RANBP10: variants seen among roughly 807,000 people sequenced by gnomAD.
RANBP10 encodes the protein ran-binding protein 10.
In RANBP10, 24 loss-of-function variants were observed where a neutral mutation model predicts 72.8. The ratio of observed to expected loss-of-function variants is 0.33; its 90% CI spans 0.24 to 0.46. The LOEUF (loss-of-function observed/expected upper bound fraction) is 0.46, where lower values mean the gene tolerates loss of function less well. RANBP10 is among the 20% of genes least tolerant of loss of function. The probability of loss-of-function intolerance (pLI) is 1.00; values close to 1 mark genes in which losing one functional copy is unlikely to be tolerated. For synonymous variants in RANBP10, 310 were observed against 322.3 expected, an observed-to-expected ratio of 0.96 and a Z score of 0.41; for missense variants, 679 against 817.5, an observed-to-expected ratio of 0.83 and a Z score of 2.07.
chr16:67,794,983 A>G, intron 2 of RANBP10, among the ~76,000 whole-genome samples: 1 of 150,448 alleles, frequency 6.6e-6, no homozygotes, highest in South Asian at 2.1e-4. Context: ...GGCCAAGTAC[A>G]GTGGCTCACA....
intron 4 of RANBP10, among the ~76,000 whole-genome samples, chr16:67,743,247 T>G (rs1373385095): frequency 6.6e-6 from 1 of 152,118 alleles, no homozygotes; most frequent in African/African-American, 2.4e-5. Flanking sequence ...AGGAGTTGGG[T>G]TCCAAGCAAA....
At chr16:67,799,432 C>T (rs1375616117) in intron 2 of RANBP10, among the ~76,000 whole-genome samples, 2 of 151,818 alleles carry the variant, frequency 1.3e-5, no homozygotes, top group African/African-American at 4.8e-5. Context: ...GGACTACAGG[C>T]GCCCGCCACC....
chr16:67,753,462 C>A (rs2054233131), intron 3 of RANBP10, among the ~76,000 whole-genome samples: 1 of 152,076 alleles, frequency 6.6e-6, no homozygotes, highest in Non-Finnish European at 1.5e-5. Flanking sequence ...CTATTGCACT[C>A]CAGCCTGGGC....
In RANBP10 at chr16:67,751,190, A is replaced by G. The variant is rs116100140; in HGVS notation, c.401-6735T>C. 2.4e-3 allele frequency among the ~76,000 whole-genome samples: 370 copies of G among 152,340 alleles called. 1 individual carries two copies. Among genetic ancestry groups the G allele is most frequent in the African/African-American group, 8.4e-3 (350 of 41,578 alleles). On this transcript the variant is annotated intron_variant, in intron 3 of 13. Transcript: ENST00000317506. ...AACCTACTTAGTCAGTGATTCAAGGATATTTGGGAGATATTTTTGTCTCAG... is the reference window on the plus strand; with the variant it reads ...AACCTACTTAGTCAGTGATTCAAGGGTATTTGGGAGATATTTTTGTCTCAG...
At chr16:67,777,254 A>G (rs111324541) in intron 2 of RANBP10, among the ~76,000 whole-genome samples, 5 of 151,918 alleles carry the variant, frequency 3.3e-5, no homozygotes, top group African/African-American at 1.2e-4. Flanking sequence ...TAAATAAAGT[A>G]GGCTGGGCGC....
chr16:67,789,915 G>T (rs776162824), intron 2 of RANBP10, among the ~76,000 whole-genome samples: 1 of 151,708 alleles, frequency 6.6e-6, no homozygotes, highest in Non-Finnish European at 1.5e-5. Flanking sequence ...TGACCAACAT[G>T]GCGAAATCCC....
intron 3 of RANBP10, among the ~76,000 whole-genome samples, chr16:67,746,079 C>T (rs180865941): frequency 1.3e-5 from 2 of 151,454 alleles, no homozygotes; most frequent in African/African-American, 4.9e-5. Context: ...TCACGTGAAC[C>T]CAGGAGGCGG....
rs117397066 is a variant in RANBP10 at position 67,781,342 on chromosome 16, C to T, written c.348-9256G>A. On this transcript the variant is annotated intron_variant, in intron 2 of 13. Coordinates refer to ENST00000317506, the MANE Select transcript of RANBP10 (RefSeq NM_020850.3). ...GCTTCCTTGTTGGTAATGGGCCAGG[C>T]TATGCTAGAAACACTCACAGATACA... Among the ~76,000 whole-genome samples the T allele has an allele frequency of 2.6e-5, 4 of 152,268 alleles. No individual in the cohort carries two copies. In the East Asian group the frequency reaches 7.7e-4, roughly 29 times the overall value.
At chr16:67,804,139 G>C (rs377167346) in intron 2 of RANBP10, among the ~76,000 whole-genome samples, 2 of 152,112 alleles carry the variant, frequency 1.3e-5, no homozygotes, top group East Asian at 3.8e-4. Flanking sequence ...AAGAAGTTCT[G>C]AATGTTCGAG....
intron 3 of RANBP10, among the ~76,000 whole-genome samples, chr16:67,751,916 T>A (rs901473572): frequency 6.6e-6 from 1 of 151,358 alleles, no homozygotes; most frequent in Non-Finnish European, 1.5e-5. Flanking sequence ...AGAAAGAATT[T>A]AAAAATTTTT....
intron 2 of RANBP10, among the ~76,000 whole-genome samples, chr16:67,793,387 T>C (rs550730006): frequency 6.6e-6 from 1 of 151,330 alleles, no homozygotes; most frequent in South Asian, 2.1e-4. Context: ...CCACGGCTCA[T>C]TGCAACCTCC....
intron 2 of RANBP10, among the ~76,000 whole-genome samples, chr16:67,786,621 G>A (rs887189803): frequency 1.0e-3 from 157 of 152,202 alleles, no homozygotes; most frequent in Non-Finnish European, 3.5e-4. Flanking sequence ...TTCATACCTA[G>A]AATAGCTATA....
chr16:67,795,514 G>A lies in RANBP10; in HGVS notation c.347+9914C>T, dbSNP rs140084765. 2.9e-3 allele frequency among the ~76,000 whole-genome samples: 442 copies of A among 151,954 alleles called. 4 individuals carry two copies. Among genetic ancestry groups the A allele is most frequent in the African/African-American group, 0.01 (424 of 41,440 alleles). Reference sequence around the variant, plus strand: ...AGATCGTGCCATTGTACTCCAGCCTGGGCAACAAGAGTGAAACTCCGTCTC... The same window carrying A: ...AGATCGTGCCATTGTACTCCAGCCTAGGCAACAAGAGTGAAACTCCGTCTC... On this transcript the variant is annotated intron_variant, in intron 2 of 13. Transcript: ENST00000317506.
At chr16:67,746,520 G>A (rs547341249) in intron 3 of RANBP10, among the ~76,000 whole-genome samples, 68 of 152,202 alleles carry the variant, frequency 4.5e-4, no homozygotes, top group East Asian at 3.9e-4. Context: ...GTGTGGTGGC[G>A]CCTGCCTATA....
chr16:67,729,381 GGAGGAGGAGGACGAGGAT>G lies in RANBP10; in HGVS notation c.1233_1250del (p.Ser417_Ser422del), dbSNP rs2053675920. On this transcript the variant is annotated inframe_deletion, in exon 10 of 14. Coordinates refer to ENST00000317506, the MANE Select transcript of RANBP10 (RefSeq NM_020850.3). This position sits in a 1 kb window ranked among gnomAD's most constrained non-coding sequence, Gnocchi z 7.1. Reference sequence around the variant, plus strand: ...CGGAGGATGGGGAAGAGGACGAGGAGGAGGAGGAGGACGAGGATGAGGAGCTGGGTGCAGGGTATTTAC... The same window carrying G: ...CGGAGGATGGGGAAGAGGACGAGGAGGAGGAGCTGGGTGCAGGGTATTTAC... 6.2e-7 allele frequency: 1 copy of G among 1,612,558 alleles called. No individual in the cohort carries two copies. Among genetic ancestry groups the G allele is most frequent in the South Asian group, 1.1e-5 (1 of 91,014 alleles).
intron 2 of RANBP10, among the ~76,000 whole-genome samples, chr16:67,780,294 A>T (rs2054787356): frequency 6.6e-6 from 1 of 152,162 alleles, no homozygotes; most frequent in African/African-American, 2.4e-5. Context: ...GCAAGAAAGC[A>T]GCCACGTGGT....
intron 3 of RANBP10, among the ~76,000 whole-genome samples, chr16:67,757,652 C>G (rs1047130319): frequency 3.3e-5 from 5 of 152,188 alleles, no homozygotes; most frequent in Non-Finnish European, 7.3e-5. Flanking sequence ...CTGGCAGGAC[C>G]CACGGCCTGG....
chr16:67,744,047 C>T (rs1027032338), intron 4 of RANBP10: 1 of 970,304 alleles, frequency 1.0e-6, no homozygotes, highest in Non-Finnish European at 1.2e-6. Context: ...AAGATCACGA[C>T]CAGGATACTG....
chr16:67,770,917 C>T (rs534733580), intron 3 of RANBP10, among the ~76,000 whole-genome samples: 12 of 152,328 alleles, frequency 7.9e-5, no homozygotes, highest in African/African-American at 2.2e-4. Flanking sequence ...CGCGCCACTA[C>T]ACTCCAGCCT....
Sources: gnomAD v4.1 joint callset for allele counts (sites outside exome capture counted in the v4.1 genomes callset) on GRCh38, gnomAD v4.1.1 for gene constraint, Gnocchi (gnomAD v3.1) non-coding constraint, MANE v1.5 for transcripts, NCBI Gene and HGNC (gene_info 2026-07-23, HGNC 2026-07-21) for gene names.